PABIR2: variants seen among roughly 807,000 people sequenced by gnomAD.
PABIR2 encodes the protein PABIR family member 2, also known as family with sequence similarity 122B.
Under a neutral mutation model 22.8 loss-of-function variants are expected in PABIR2, and 7 were observed. That is an observed-to-expected ratio of 0.31 (90% CI 0.17 to 0.58). The LOEUF (loss-of-function observed/expected upper bound fraction) is 0.58, where lower values mean the gene tolerates loss of function less well. PABIR2 is among the 20% of genes least tolerant of loss of function. The pLI, the probability that PABIR2 is intolerant of heterozygous loss-of-function variation, is 0.89. For missense variants in PABIR2, 155 were observed against 205.1 expected, an observed-to-expected ratio of 0.76 and a Z score of 1.49; for synonymous variants, 67 against 73.8, an observed-to-expected ratio of 0.91 and a Z score of 0.47.
intron 9 of PABIR2, among the ~76,000 whole-genome samples, chrX:134,774,735 C>T (rs781201705): frequency 8.9e-6 from 1 of 111,991 alleles, no homozygotes; most frequent in Non-Finnish European, 1.9e-5. Flanking sequence ...GAAAATAGCA[C>T]ACTTACATTT....
chrX:134,793,915 A>C (rs1227073647), intron 1 of PABIR2, 22 bp from the exon 2 acceptor site: 1 of 1,187,111 alleles, frequency 8.4e-7, no homozygotes, highest in Non-Finnish European at 1.1e-6. Context: ...AAAAACAAAC[A>C]AACAAAAAAA....
At position 134,772,086 on chromosome X, in the gene PABIR2, A is replaced by G; in HGVS notation, c.*53T>C. On this transcript the variant is annotated 3_prime_UTR_variant, in exon 10 of 10. Transcript: ENST00000343004. ...ATCAAAGTTCTCTGCGTTCCCCACT[A>G]AACATTTTATGTAGGAAACAGCAGT... 8.7e-7 allele frequency: 1 copy of G among 1,151,699 alleles called. No homozygotes were observed. The highest frequency in any genetic ancestry group is 2.5e-5 in the Admixed American group (1 of 39,351). 94.9% of individuals were successfully genotyped at this position (1,151,699 alleles called of 1,213,427 possible).
In PABIR2 at chrX:134,771,336, T is replaced by C; in HGVS notation, c.*803A>G. The C allele has an allele frequency of 8.7e-7, 1 of 1,153,754 alleles. No individual in the cohort carries two copies. The highest frequency in any genetic ancestry group is 1.1e-6 in the Non-Finnish European group (1 of 871,154). ...CACATCTGGTCAAGGCAGGAATTTC[T>C]TCTCCTTGATAACACCACCTAGAAA... is the stretch of plus-strand genomic sequence containing the variant. On this transcript the variant is annotated 3_prime_UTR_variant, in exon 10 of 10. Coordinates refer to ENST00000343004, the MANE Select transcript of PABIR2 (RefSeq NM_001387468.1).
intron 2 of PABIR2, among the ~76,000 whole-genome samples, chrX:134,790,182 T>C (rs1235465076): frequency 8.9e-6 from 1 of 112,316 alleles, no homozygotes; most frequent in Admixed American, 9.5e-5. Context: ...ATCTTACTAG[T>C]TAACAAAAAA....
intron 6 of PABIR2, among the ~76,000 whole-genome samples, chrX:134,788,464 ATG>A (rs767727565): frequency 7.5e-5 from 7 of 93,039 alleles, no homozygotes; most frequent in Admixed American, 4.6e-4. Flanking sequence ...TATGTTATAT[ATG>A]TGTTATATAT....
intron 9 of PABIR2, among the ~76,000 whole-genome samples, chrX:134,777,730 C>T (rs912682486): frequency 2.8e-5 from 3 of 108,750 alleles, no homozygotes; most frequent in African/African-American, 6.7e-5. Context: ...CAGCTGCTCT[C>T]GAGGCTGAGG....
In PABIR2 at chrX:134,775,337, C is replaced by T. The variant is rs749604457; in HGVS notation, c.660-3054G>A. On this transcript the variant is annotated intron_variant, in intron 9 of 9. Coordinates refer to ENST00000343004, the MANE Select transcript of PABIR2 (RefSeq NM_001387468.1). The stretch of plus-strand genomic sequence containing the variant: ...CGAAGTCAGGAGATCGAGACCACGG[C>T]GAAACCCCGTCTCTACTAAAAATAT... Among the ~76,000 whole-genome samples, 44 of 109,142 alleles carry T rather than the reference C, an allele frequency of 4.0e-4. 1 individual carries two copies. The East Asian group carries it at 0.011, about 27-fold the overall frequency. 94.8% of individuals were successfully genotyped at this position (109,142 alleles called of 115,157 possible). A position where few individuals can be genotyped will look rare whatever the true frequency, so the allele number is the denominator to read the frequency against.
In PABIR2 at chrX:134,793,889, G is replaced by A; in HGVS notation, c.103C>T (p.Leu35Phe). The A allele has an allele frequency of 8.3e-7, 1 of 1,200,050 alleles. No homozygotes were observed. The highest frequency in any genetic ancestry group is 3.0e-5 in the East Asian group (1 of 33,747). Residue 35 changes from leucine (L) to phenylalanine (F), a missense_variant, in exon 2 of 10, where the codon CTT (leucine) becomes TTT (phenylalanine). Physicochemically the swap from Leu to Phe is conservative, Grantham distance 22 (BLOSUM62 0). Transcript: ENST00000343004. ...GTGTAAGGTTGGAAAACCTGTGAAAGGTCACTGAAAAAAACAAAAACAAAC... is the reference window on the plus strand; with the variant it reads ...GTGTAAGGTTGGAAAACCTGTGAAAAGTCACTGAAAAAAACAAAAACAAAC... ...SAPLIHGLSD[L>F]SQVFQPYTLR...
At chrX:134,778,580 A>C (rs764410605) in intron 9 of PABIR2, among the ~76,000 whole-genome samples, 202 of 110,591 alleles carry the variant, frequency 1.8e-3, no homozygotes, top group African/African-American at 6.2e-3. Context: ...TTAGTATATA[A>C]GGTGTCCCCA....
chrX:134,772,689 C>T (rs996173384), intron 9 of PABIR2, among the ~76,000 whole-genome samples: 2 of 111,120 alleles, frequency 1.8e-5, no homozygotes, highest in Admixed American at 1.9e-4. Context: ...CAGAGGTGTT[C>T]GATCAAGTAC....
chrX:134,791,683 A>G (rs768715167), intron 2 of PABIR2: 5 of 329,224 alleles, frequency 1.5e-5, no homozygotes, highest in African/African-American at 1.3e-4. Flanking sequence ...CAAGGCAAAG[A>G]AAGCTGACAT....
Position 134,781,900 on chromosome X carries a change from T to C in PABIR2, c.580A>G (p.Ser194Gly). 1 of 1,200,431 alleles carries C rather than the reference T, an allele frequency of 8.3e-7. No individual in the cohort carries two copies. Among genetic ancestry groups the C allele is most frequent in the Non-Finnish European group, 1.1e-6 (1 of 888,234 alleles). The change falls in exon 9 of 10, where the codon AGT (serine) becomes GGT (glycine). Residue 194 changes from serine (S) to glycine (G), a missense_variant. Ser to Gly is a moderately conservative substitution (Grantham distance 56). Coordinates refer to ENST00000343004, the MANE Select transcript of PABIR2 (RefSeq NM_001387468.1). ...CCTTGGAAGAGTCTCTTGGGCTGAC[T>C]TTCTGTCTCCATTTCACCTAAAACA... ...LKRKGEMETE[S>G]QPKRLFQGTT...
At chrX:134,773,994 G>A (rs1174567139) in intron 9 of PABIR2, among the ~76,000 whole-genome samples, 2 of 111,236 alleles carry the variant, frequency 1.8e-5, no homozygotes, top group Non-Finnish European at 3.8e-5. Flanking sequence ...CATTGCTTGT[G>A]GATTGTTTTT....
intron 9 of PABIR2, among the ~76,000 whole-genome samples, chrX:134,781,115 T>G (rs2079144468): frequency 8.9e-6 from 1 of 112,433 alleles, no homozygotes; most frequent in Non-Finnish European, 1.9e-5. Context: ...CAGCCAGCAG[T>G]TGGCACTGCC....
intron 9 of PABIR2, among the ~76,000 whole-genome samples, chrX:134,772,942 A>G (rs2078873819): frequency 1.8e-5 from 2 of 111,405 alleles, no homozygotes; most frequent in South Asian, 7.5e-4. Context: ...AGCTTCTACA[A>G]TGAATAATCT....
chrX:134,795,129 T>C (rs1753914152), intron 1 of PABIR2, among the ~76,000 whole-genome samples: 1 of 111,700 alleles, frequency 9.0e-6, no homozygotes. Flanking sequence ...AAGCAAAAAG[T>C]CACTCCTACA....
At chrX:134,772,893 G>A (rs767590799) in intron 9 of PABIR2, among the ~76,000 whole-genome samples, 68 of 111,658 alleles carry the variant, frequency 6.1e-4, no homozygotes, top group African/African-American at 2.2e-3. Flanking sequence ...ATTTCTAGAA[G>A]AGTCCCTTTC....
At chrX:134,794,710 G>A (rs1483049521) in intron 1 of PABIR2, among the ~76,000 whole-genome samples, 2 of 112,080 alleles carry the variant, frequency 1.8e-5, no homozygotes, top group Admixed American at 1.9e-4. Flanking sequence ...AGCAGAGGGC[G>A]ATGCCCACAA....
At chrX:134,787,610 CTTTTTTTT>C (rs1179720154) in intron 6 of PABIR2, 77 bp from the exon 7 acceptor site, 20 of 292,453 alleles carry the variant, frequency 6.8e-5, no homozygotes, top group East Asian at 2.4e-4. Context: ...AGTTTTCTTT[CTTTTTTTT>C]TTTTTTTTTT....
Sources: allele counts gnomAD v4.1 joint callset (sites outside exome capture counted in the v4.1 genomes callset), GRCh38; gene constraint gnomAD v4.1.1; transcripts MANE v1.5; gene names NCBI Gene and HGNC (gene_info 2026-07-23, HGNC 2026-07-21).